Variants in TNFSF4 observed in about 807,000 individuals in gnomAD.
TNFSF4 encodes tumor necrosis factor ligand superfamily member 4.
A neutral mutation model predicts 7.3 loss-of-function variants in TNFSF4; 4 were observed. The ratio of observed to expected loss-of-function variants is 0.55; its 90% CI spans 0.27 to 1.25. The LOEUF (loss-of-function observed/expected upper bound fraction) is 1.25, where lower values mean the gene tolerates loss of function less well. Ranked by LOEUF, TNFSF4 falls within the 50% of genes most tolerant of loss-of-function variation. The pLI is 0.12. For synonymous variants in TNFSF4, 76 were observed against 83.7 expected (o/e 0.91, Z 0.50); for missense variants, 181 against 208.8 (o/e 0.87, Z 0.82).
the TNFSF4 span, among the ~76,000 whole-genome samples, chr1:173,308,590 C>T: frequency 6.6e-6 from 1 of 151,766 alleles, no homozygotes; most frequent in East Asian, 1.9e-4. Flanking sequence ...TTAACTGTTG[C>T]TGCTAAAACT....
At position 173,192,093 on chromosome 1, in the gene TNFSF4, CTTG is replaced by C. The variant is rs1387272000; in HGVS notation, c.154-3527_154-3525del. On this transcript the variant is annotated intron_variant, in intron 1 of 2. Coordinates refer to ENST00000281834, the MANE Select transcript of TNFSF4 (RefSeq NM_003326.5). ...TGGGGAGGCTGAAGCACAAGAATCG[CTTG>C]AACCCAGGAGACAGAGGTTGCAGTG... is the stretch of plus-strand genomic sequence containing the variant. Among the ~76,000 whole-genome samples the C allele has an allele frequency of 2.0e-5, 3 of 152,204 alleles. No individual in the cohort carries two copies. The East Asian group carries it at 5.8e-4, about 29-fold the overall frequency.
the TNFSF4 span, among the ~76,000 whole-genome samples, chr1:173,406,734 G>C: frequency 1.3e-5 from 2 of 152,252 alleles, no homozygotes; most frequent in South Asian, 4.1e-4. Flanking sequence ...ATTGCCCTGC[G>C]ACAGTCTCTG....
the TNFSF4 span, among the ~76,000 whole-genome samples, chr1:173,445,367 A>G: frequency 6.6e-6 from 1 of 152,198 alleles, no homozygotes; most frequent in Non-Finnish European, 1.5e-5. Flanking sequence ...GGTGCTGCAG[A>G]CAGCTAATAC....
At chr1:173,213,174 C>A in the TNFSF4 span, among the ~76,000 whole-genome samples, 2 of 152,202 alleles carry the variant, frequency 1.3e-5, no homozygotes, top group Admixed American at 6.5e-5. Flanking sequence ...ACCATTAGTT[C>A]AAATACAAAT....
the TNFSF4 span, among the ~76,000 whole-genome samples, chr1:173,228,016 C>T: frequency 6.6e-6 from 1 of 152,202 alleles, no homozygotes; most frequent in African/African-American, 2.4e-5. Context: ...GGGGGCGGGG[C>T]ATAGCCAAAC....
Position 173,186,382 on chromosome 1 carries a change from A to G in TNFSF4, c.*134T>C, listed in dbSNP as rs1649225168. On this transcript the variant is annotated 3_prime_UTR_variant, in exon 3 of 3. Transcript: ENST00000281834. Reference sequence around the variant, plus strand: ...CCTGAGGGGTGGGGGCGGGAGGGCCAGGATCTGCTTCTTGTCACATCCCAC... The same window carrying G: ...CCTGAGGGGTGGGGGCGGGAGGGCCGGGATCTGCTTCTTGTCACATCCCAC... The G allele has an allele frequency of 3.0e-6, 2 of 666,620 alleles. No homozygotes were observed. Among genetic ancestry groups the G allele is most frequent in the Non-Finnish European group, 5.1e-6 (2 of 395,736 alleles). The allele number at this position is 666,620 out of a possible 1,614,324, so 41.3% of individuals were successfully genotyped here.
At chr1:173,372,066 T>A in the TNFSF4 span, among the ~76,000 whole-genome samples, 28 of 152,324 alleles carry the variant, frequency 1.8e-4, no homozygotes, top group East Asian at 4.2e-3. Flanking sequence ...TCACTTGAAC[T>A]TTCTAGCTAA....
the TNFSF4 span, among the ~76,000 whole-genome samples, chr1:173,446,150 A>C: frequency 6.6e-6 from 1 of 152,186 alleles, no homozygotes; most frequent in Non-Finnish European, 1.5e-5. Flanking sequence ...AAGATGGTAG[A>C]ATAATCAGGC....
At chr1:173,308,545 T>C in the TNFSF4 span, among the ~76,000 whole-genome samples, 1 of 151,972 alleles carries the variant, frequency 6.6e-6, no homozygotes, top group African/African-American at 2.4e-5. Context: ...GAATGTGTTA[T>C]AAAATGCATT....
At chr1:173,287,167 A>G in the TNFSF4 span, among the ~76,000 whole-genome samples, 3 of 149,658 alleles carry the variant, frequency 2.0e-5, no homozygotes, top group South Asian at 6.3e-4. Flanking sequence ...ATGTCTCCAC[A>G]AAAAAAAAGA....
At chr1:173,237,369 C>G in the TNFSF4 span, among the ~76,000 whole-genome samples, 1 of 152,212 alleles carries the variant, frequency 6.6e-6, no homozygotes, top group Non-Finnish European at 1.5e-5. Context: ...AATTCAACGT[C>G]CAAGGAACAT....
chr1:173,424,775 G>A, the TNFSF4 span, among the ~76,000 whole-genome samples: 3 of 152,180 alleles, frequency 2.0e-5, no homozygotes, highest in East Asian at 1.9e-4. Flanking sequence ...GTCATACAGT[G>A]GAAAGAATAT....
the TNFSF4 span, among the ~76,000 whole-genome samples, chr1:173,239,176 G>A: frequency 6.6e-6 from 1 of 152,052 alleles, no homozygotes; most frequent in Middle Eastern, 3.2e-3. Flanking sequence ...TATTCAACAC[G>A]TCCAATTCAC....
the TNFSF4 span, among the ~76,000 whole-genome samples, chr1:173,251,020 G>A: frequency 6.6e-6 from 1 of 152,258 alleles, no homozygotes; most frequent in Non-Finnish European, 1.5e-5. Flanking sequence ...AAATTCTGAG[G>A]CCCCACCTAA....
chr1:173,245,818 G>A, the TNFSF4 span, among the ~76,000 whole-genome samples: 3 of 152,056 alleles, frequency 2.0e-5, no homozygotes, highest in South Asian at 4.2e-4. Context: ...TTTAGATTCC[G>A]CATATGAGTG....
the TNFSF4 span, among the ~76,000 whole-genome samples, chr1:173,425,754 A>T: frequency 6.6e-6 from 1 of 152,358 alleles, no homozygotes; most frequent in East Asian, 1.9e-4. Context: ...AGGTGGTTCT[A>T]TGAACTAGAG....
At chr1:173,222,130 T>C in the TNFSF4 span, among the ~76,000 whole-genome samples, 4 of 151,584 alleles carry the variant, frequency 2.6e-5, no homozygotes, top group East Asian at 5.8e-4. Context: ...GTATATTTTC[T>C]CCCTCCAATA....
the TNFSF4 span, among the ~76,000 whole-genome samples, chr1:173,255,842 G>T: frequency 6.6e-6 from 1 of 152,208 alleles, no homozygotes. Context: ...AGACCTCAGA[G>T]AATCTCTAAA....
the TNFSF4 span, among the ~76,000 whole-genome samples, chr1:173,333,550 T>C: frequency 6.6e-6 from 1 of 151,998 alleles, no homozygotes; most frequent in Non-Finnish European, 1.5e-5. Flanking sequence ...GGGGCCCCCG[T>C]GATGGGAATA....
Sources: allele counts gnomAD v4.1 joint callset (sites outside exome capture counted in the v4.1 genomes callset), GRCh38; gene constraint gnomAD v4.1.1; transcripts MANE v1.5; gene names NCBI Gene and HGNC (gene_info 2026-07-23, HGNC 2026-07-21).